The following SLC7A13 variants were observed in gnomAD, a reference collection of about 807,000 sequenced individuals.
SLC7A13 encodes the protein solute carrier family 7 member 13.
In SLC7A13, 31 loss-of-function variants were observed where a neutral mutation model predicts 32.0. The observed-to-expected ratio is 0.97, with a 90% CI of 0.73 to 1.31. The LOEUF is 1.31. Among genes scored for constraint, SLC7A13 ranks in the 50% most tolerant of loss-of-function variants. The probability of loss-of-function intolerance (pLI) is 0.00; values close to 1 mark genes in which losing one functional copy is unlikely to be tolerated. For synonymous variants in SLC7A13, 232 were observed against 206.9 expected, an observed-to-expected ratio of 1.12 and a Z score of -1.04; for missense variants, 633 against 546.9, an observed-to-expected ratio of 1.16 and a Z score of -1.57.
chr8:86,218,432 G>C (rs948985227), intron 2 of SLC7A13, among the ~76,000 whole-genome samples: 1 of 152,106 alleles, frequency 6.6e-6, no homozygotes, highest in Non-Finnish European at 1.5e-5. Flanking sequence ...TTCTCAATTG[G>C]AGTTAAATTT....
At chr8:86,221,502 A>T (rs1300044522) in intron 2 of SLC7A13, among the ~76,000 whole-genome samples, 1 of 152,148 alleles carries the variant, frequency 6.6e-6, no homozygotes, top group East Asian at 1.9e-4. Flanking sequence ...TTTAGGGTAC[A>T]TGTGCACATT....
At position 86,223,109 on chromosome 8, in the gene SLC7A13, A is replaced by T. The variant is rs760692585; in HGVS notation, c.686-6T>A. On this transcript the variant is annotated splice_region_variant and splice_polypyrimidine_tract_variant and intron_variant, in intron 1 of 3. Transcript: ENST00000297524. ...TCTGGGCTTCTTCAGCTCCCCTATA[A>T]CACAAAAGAGGACACAACCATAATT... The T allele has an allele frequency of 4.4e-6, 7 of 1,581,762 alleles. No individual in the cohort carries two copies. The highest frequency in any genetic ancestry group is 6.0e-6 in the Non-Finnish European group (7 of 1,167,112).
At chr8:86,215,591 C>T (rs1820168108) in intron 3 of SLC7A13, 4 of 373,052 alleles carry the variant, frequency 1.1e-5, no homozygotes, top group African/African-American at 2.2e-5. Flanking sequence ...GAGGCTGAGG[C>T]AGGAGAATCT....
intron 2 of SLC7A13, among the ~76,000 whole-genome samples, chr8:86,220,681 G>A (rs1198140323): frequency 6.6e-6 from 1 of 152,012 alleles, no homozygotes; most frequent in Non-Finnish European, 1.5e-5. Flanking sequence ...TGAAAAAAAT[G>A]CATCCCTTAA....
rs374611280 is a variant in SLC7A13 at position 86,229,594 on chromosome 8, T to C, written c.684A>G (p.Ala228=). The change falls in exon 1 of 4, where the codon GCA becomes GCG. Residue 228 remains alanine, a splice_region_variant and synonymous_variant. Transcript: ENST00000297524. ...YSGGACFTLI[A]GELKKPRTTI... is the part of the protein sequence containing the mutation. ...TTTTTTTCCTCAATGGATTGTTACCTGCTATAAGTGTAAAGCATGCCCCGC... is the reference window on the plus strand; with the variant it reads ...TTTTTTTCCTCAATGGATTGTTACCCGCTATAAGTGTAAAGCATGCCCCGC... 75 of 1,607,770 alleles carry C rather than the reference T, an allele frequency of 4.7e-5. No homozygotes were observed. The highest frequency in any genetic ancestry group is 6.0e-5 in the Non-Finnish European group (71 of 1,176,674).
chr8:86,214,487 C>A lies in SLC7A13; in HGVS notation c.1339G>T (p.Ala447Ser). Residue 447 changes from alanine to serine, a missense_variant, in exon 4 of 4, where the codon GCT (alanine) becomes TCT (serine). Ala to Ser is a moderately conservative substitution (Grantham distance 99). Coordinates refer to ENST00000297524, the MANE Select transcript of SLC7A13 (RefSeq NM_138817.3). ...TAGCAAGTCATCTTCTCAAACCAAGCCAATCTTATTTTAAAATGTATTAAA... is the reference window on the plus strand; with the variant it reads ...TAGCAAGTCATCTTCTCAAACCAAGACAATCTTATTTTAAAATGTATTAAA... ...IPLIHFKIRL[A>S]WFEKMTCYLQ... 1.2e-6 allele frequency: 2 copies of A among 1,612,406 alleles called. No homozygotes were observed. Among genetic ancestry groups the A allele is most frequent in the Middle Eastern group, 1.7e-4 (1 of 6,054 alleles).
rs201244158 is a variant in SLC7A13 at position 86,229,939 on chromosome 8, C to T, written c.339G>A (p.Leu113=). Residue 113 remains leucine, a synonymous_variant, in exon 1 of 4, where the codon CTG becomes CTA. Coordinates refer to ENST00000297524, the MANE Select transcript of SLC7A13 (RefSeq NM_138817.3). ...LGSGVVAGQA[L]LLAEYSIQPF... ...GCTGGATGCTGTACTCAGCAAGGAG[C>T]AGAGCTTGGCCAGCAACTACCCCTG... 6.2e-7 allele frequency: 1 copy of T among 1,614,072 alleles called. No individual in the cohort carries two copies. Among genetic ancestry groups the T allele is most frequent in the Admixed American group, 1.7e-5 (1 of 59,986 alleles).
At position 86,214,266 on chromosome 8, in the gene SLC7A13, T is replaced by C; in HGVS notation, c.*147A>G. 1.7e-6 allele frequency: 1 copy of C among 594,778 alleles called. No homozygotes were observed. The highest frequency in any genetic ancestry group is 2.9e-6 in the Non-Finnish European group (1 of 342,812). 36.8% of individuals were successfully genotyped at this position (594,778 alleles called of 1,614,324 possible). A position where few individuals can be genotyped will look rare whatever the true frequency, so the allele number is the denominator to read the frequency against. On this transcript the variant is annotated 3_prime_UTR_variant, in exon 4 of 4. Coordinates refer to ENST00000297524, the MANE Select transcript of SLC7A13 (RefSeq NM_138817.3). Reference sequence around the variant, plus strand: ...AAGCCAGGTACTGTCTTAGGCACTTTTGTATACATTACTTATTTCATTTGA... The same window carrying C: ...AAGCCAGGTACTGTCTTAGGCACTTCTGTATACATTACTTATTTCATTTGA...
rs1433133338 is a variant in SLC7A13, at chr8:86,230,106, T to C, written c.172A>G (p.Ile58Val). The change falls in exon 1 of 4, where the codon ATA becomes GTA. Residue 58 changes from isoleucine to valine, a missense_variant. Coordinates refer to ENST00000297524, the MANE Select transcript of SLC7A13 (RefSeq NM_138817.3). The part of the protein sequence containing the change: ...VSLCVWAGCA[I>V]LAMTSTLCSA... ...CAAAGAGTTGATGTCATGGCCAGTA[T>C]GGCACAGCCAGCCCAAACGCACAGG... The C allele has an allele frequency of 2.5e-6, 4 of 1,614,052 alleles. No individual in the cohort carries two copies. Among genetic ancestry groups the C allele is most frequent in the Non-Finnish European group, 3.4e-6 (4 of 1,180,032 alleles).
intron 2 of SLC7A13, among the ~76,000 whole-genome samples, chr8:86,220,487 A>G (rs1189653213): frequency 6.6e-6 from 1 of 152,160 alleles, no homozygotes; most frequent in East Asian, 1.9e-4. Context: ...AAAACATTAC[A>G]TGATTAATAC....
chr8:86,214,580 T>C lies in SLC7A13; in HGVS notation c.1246A>G (p.Lys416Glu). 6.2e-7 allele frequency: 1 copy of C among 1,613,796 alleles called. No homozygotes were observed. Among genetic ancestry groups the C allele is most frequent in the South Asian group, 1.1e-5 (1 of 91,068 alleles). ...DVGLVVIPLVKSPNVHYVYVL... is the reference protein window; with the variant it reads ...DVGLVVIPLVESPNVHYVYVL... ...TAGACATAATGCACATTTGGAGACT[T>C]TACCAATGGTATCACAACCAAGCCC... Residue 416 changes from lysine (K) to glutamate (E), a missense_variant, in exon 4 of 4, where the codon AAG becomes GAG. By Grantham distance (56) the Lys-to-Glu change is moderately conservative (BLOSUM62 1). Transcript: ENST00000297524.
chr8:86,220,040 T>C (rs1038270970), intron 2 of SLC7A13, among the ~76,000 whole-genome samples: 2 of 152,102 alleles, frequency 1.3e-5, no homozygotes, highest in Admixed American at 1.3e-4. Flanking sequence ...TTATTATTAA[T>C]TAATTTATTT....
At chr8:86,218,597 T>G (rs968710126) in intron 2 of SLC7A13, among the ~76,000 whole-genome samples, 4 of 151,880 alleles carry the variant, frequency 2.6e-5, no homozygotes, top group African/African-American at 9.7e-5. Flanking sequence ...AAAAATTATA[T>G]AGTATAAAAT....
intron 1 of SLC7A13, among the ~76,000 whole-genome samples, chr8:86,229,146 TTATAA>T (rs1231813898): frequency 6.7e-6 from 1 of 148,774 alleles, no homozygotes; most frequent in Non-Finnish European, 1.5e-5. Context: ...AAGGAAAAAA[TTATAA>T]TAAAATATAA....
chr8:86,221,276 T>G (rs1467887623), intron 2 of SLC7A13, among the ~76,000 whole-genome samples: 1 of 152,098 alleles, frequency 6.6e-6, no homozygotes, highest in African/African-American at 2.4e-5. Flanking sequence ...ATTATATAGA[T>G]TTCCCATAAA....
chr8:86,216,223 T>C lies in SLC7A13; in HGVS notation c.1179+1247A>G, dbSNP rs145282306. 1.1e-3 allele frequency among the ~76,000 whole-genome samples: 162 copies of C among 152,284 alleles called. 1 individual carries two copies. Among genetic ancestry groups the C allele is most frequent in the African/African-American group, 3.7e-3 (153 of 41,572 alleles). ...GTGGATCAGAAAACAGCAAAAGACATGTTAAAAAGATGCAGCATGTGAAAC... is the reference window on the plus strand; with the variant it reads ...GTGGATCAGAAAACAGCAAAAGACACGTTAAAAAGATGCAGCATGTGAAAC... On this transcript the variant is annotated intron_variant, in intron 3 of 3. Transcript: ENST00000297524.
intron 1 of SLC7A13, among the ~76,000 whole-genome samples, chr8:86,226,690 C>T (rs537136983): frequency 3.3e-5 from 5 of 152,214 alleles, no homozygotes; most frequent in Admixed American, 2.6e-4. Context: ...TGTATTTTGT[C>T]CTTCGTCTCT....
intron 3 of SLC7A13, among the ~76,000 whole-genome samples, chr8:86,214,915 T>C (rs1820153968): frequency 6.6e-6 from 1 of 152,144 alleles, no homozygotes; most frequent in South Asian, 2.1e-4. Flanking sequence ...GCTGGTAAGA[T>C]CACTATCTAC....
chr8:86,215,819 G>A (rs926262642), intron 3 of SLC7A13: 1 of 258,942 alleles, frequency 3.9e-6, no homozygotes, highest in Admixed American at 5.1e-5. Flanking sequence ...GAGCACTCCT[G>A]GGGGCATACA....
Sources: allele counts gnomAD v4.1 joint callset (sites outside exome capture counted in the v4.1 genomes callset), GRCh38; gene constraint gnomAD v4.1.1; transcripts MANE v1.5; gene names NCBI Gene and HGNC (gene_info 2026-07-23, HGNC 2026-07-21).